Variants in DPP6 observed in about 807,000 individuals in gnomAD.
DPP6 encodes A-type potassium channel modulatory protein DPP6.
In DPP6, 69 loss-of-function variants were observed where a neutral mutation model predicts 122.6. The ratio of observed to expected loss-of-function variants is 0.56; its 90% CI spans 0.46 to 0.69. DPP6 has a LOEUF of 0.69. Among genes scored for constraint, DPP6 ranks in the 30% least tolerant of loss-of-function variants. The pLI is 0.00. For missense variants in DPP6, 928 were observed against 1,116.9 expected, an observed-to-expected ratio of 0.83 and a Z score of 2.41; for synonymous variants, 418 against 433.1, an observed-to-expected ratio of 0.97 and a Z score of 0.43.
At position 154,440,731 on chromosome 7, in the gene DPP6, G is replaced by A. The variant is rs200962399; in HGVS notation, c.244-5483G>A. Among the ~76,000 whole-genome samples, 10 of 152,302 alleles carry A rather than the reference G, an allele frequency of 6.6e-5. No homozygotes were observed. In the East Asian group the frequency reaches 1.9e-3, roughly 29 times the overall value. ...GGTTTAAAGATAGATTGTTATGAGAGAAATAATTTACTTCACTTCCTCCTT... is the reference window on the plus strand; with the variant it reads ...GGTTTAAAGATAGATTGTTATGAGAAAAATAATTTACTTCACTTCCTCCTT... On this transcript the variant is annotated intron_variant, in intron 1 of 25. Transcript: ENST00000377770.
At chr7:154,232,099 G>T (rs552977366) in intron 1 of DPP6, among the ~76,000 whole-genome samples, 1 of 152,194 alleles carries the variant, frequency 6.6e-6, no homozygotes, top group Non-Finnish European at 1.5e-5. Flanking sequence ...ATCAGGACTT[G>T]GGAGGGAACC....
At chr7:154,256,691 G>A (rs1411306879) in intron 1 of DPP6, among the ~76,000 whole-genome samples, 1 of 152,184 alleles carries the variant, frequency 6.6e-6, no homozygotes, top group Non-Finnish European at 1.5e-5. Flanking sequence ...ACTGTGGTAA[G>A]TCCCCTTTGA....
At chr7:154,169,170 A>C (rs1585539454) in intron 1 of DPP6, among the ~76,000 whole-genome samples, 2 of 152,132 alleles carry the variant, frequency 1.3e-5, no homozygotes, top group East Asian at 3.9e-4. Context: ...TCTCTGAGTA[A>C]AAAGGAGAGA....
At chr7:154,187,610 A>G (rs1401147536) in intron 1 of DPP6, among the ~76,000 whole-genome samples, 1 of 152,210 alleles carries the variant, frequency 6.6e-6, no homozygotes, top group Non-Finnish European at 1.5e-5. Context: ...CCAAGTTTGA[A>G]TATTTAAGAG....
chr7:153,756,864 T>TA, the DPP6 span, among the ~76,000 whole-genome samples: 1 of 152,114 alleles, frequency 6.6e-6, no homozygotes, highest in Admixed American at 6.6e-5. Flanking sequence ...GTCCTCATTT[T>TA]ATCAGTAAAA....
chr7:153,884,909 G>A (rs888160421), upstream of DPP6, among the ~76,000 whole-genome samples: 18 of 151,034 alleles, frequency 1.2e-4, no homozygotes, highest in Admixed American at 9.9e-4. Context: ...GAACCTGGGA[G>A]GCGGAGGTTG....
At chr7:154,583,479 C>A (rs1244450863) in intron 5 of DPP6, among the ~76,000 whole-genome samples, 1 of 152,158 alleles carries the variant, frequency 6.6e-6, no homozygotes, top group Non-Finnish European at 1.5e-5. Context: ...TTGGATTTCC[C>A]AGTCCCACCC....
chr7:154,639,122 C>G (rs1230650100), intron 6 of DPP6, among the ~76,000 whole-genome samples: 1 of 152,194 alleles, frequency 6.6e-6, no homozygotes, highest in Non-Finnish European at 1.5e-5. Context: ...CTGTTTTCTA[C>G]TCAGCTTAGA....
the DPP6 span, among the ~76,000 whole-genome samples, chr7:153,752,253 CTTT>C: frequency 1.2e-4 from 16 of 138,376 alleles, no homozygotes; most frequent in Non-Finnish European, 1.1e-4. Flanking sequence ...ACCACAGCCT[CTTT>C]TTTTTTTTTT....
the DPP6 span, among the ~76,000 whole-genome samples, chr7:153,792,557 A>G: frequency 6.6e-6 from 1 of 152,174 alleles, no homozygotes; most frequent in Non-Finnish European, 1.5e-5. Flanking sequence ...ACTCAAATAT[A>G]CATTTCTTAT....
At chr7:154,008,663 T>C (rs1298036837) in intron 1 of DPP6, among the ~76,000 whole-genome samples, 34 of 140,442 alleles carry the variant, frequency 2.4e-4, no homozygotes, top group East Asian at 1.0e-3. Context: ...CTTTTCTTTT[T>C]TTTTTTTTTT....
chr7:154,738,891 A>G (rs1473734343), intron 8 of DPP6, among the ~76,000 whole-genome samples: 1 of 152,194 alleles, frequency 6.6e-6, no homozygotes, highest in Non-Finnish European at 1.5e-5. Context: ...GCAAAAAACA[A>G]ACAAAAGCAA....
chr7:153,819,797 T>TA, the DPP6 span, among the ~76,000 whole-genome samples: 1 of 152,232 alleles, frequency 6.6e-6, no homozygotes, highest in African/African-American at 2.4e-5. Context: ...TATCTCTATT[T>TA]AAAAAATCAC....
intron 10 of DPP6, 111 bp from the exon 11 acceptor site, chr7:154,793,967 TG>T (rs1335349847): frequency 6.8e-7 from 1 of 1,463,940 alleles, no homozygotes; most frequent in African/African-American, 1.4e-5. Context: ...GTGTCACCAC[TG>T]GCTCCGGCCC....
At chr7:154,562,347 A>G (rs1445832533) in intron 4 of DPP6, among the ~76,000 whole-genome samples, 1 of 152,196 alleles carries the variant, frequency 6.6e-6, no homozygotes, top group Non-Finnish European at 1.5e-5. Flanking sequence ...AAAGCAAAAT[A>G]ACATAATCAT....
intron 7 of DPP6, among the ~76,000 whole-genome samples, chr7:154,687,969 A>G (rs1257618774): frequency 6.6e-6 from 1 of 152,144 alleles, no homozygotes; most frequent in African/African-American, 2.4e-5. Flanking sequence ...CTATTTATCA[A>G]ACTTCTGTGT....
chr7:154,308,985 AAC>A (rs1374050121), intron 1 of DPP6, among the ~76,000 whole-genome samples: 1 of 152,210 alleles, frequency 6.6e-6, no homozygotes, highest in Non-Finnish European at 1.5e-5. Context: ...CACACACGTG[AAC>A]AGTCACACAC....
intron 1 of DPP6, among the ~76,000 whole-genome samples, chr7:153,955,517 C>CA (rs1455257202): frequency 6.6e-6 from 1 of 152,170 alleles, no homozygotes; most frequent in Non-Finnish European, 1.5e-5. Context: ...CGGCTCACTG[C>CA]AACCTCTGCC....
chr7:153,834,154 G>T, the DPP6 span, among the ~76,000 whole-genome samples: 1 of 152,000 alleles, frequency 6.6e-6, no homozygotes, highest in Non-Finnish European at 1.5e-5. Context: ...GGGTGTGGCA[G>T]TGGGCGCCTG....
Sources: gnomAD v4.1 joint callset for allele counts (sites outside exome capture counted in the v4.1 genomes callset) on GRCh38, gnomAD v4.1.1 for gene constraint, MANE v1.5 for transcripts, NCBI Gene and HGNC (gene_info 2026-07-23, HGNC 2026-07-21) for gene names.